NF1: variants seen among roughly 807,000 people sequenced by gnomAD.
NF1 encodes the protein neurofibromin.
NF1 carries 122 observed loss-of-function variants against 325.7 expected under a neutral mutation model. The observed-to-expected ratio is 0.37, with a 90% CI of 0.32 to 0.44. The LOEUF (loss-of-function observed/expected upper bound fraction) is 0.44. Ranked by LOEUF, NF1 falls within the 20% of genes least tolerant of loss-of-function variation. The pLI is 1.00. For missense variants in NF1, 2,140 were observed against 3,415.4 expected (o/e 0.63, Z 9.31); for synonymous variants, 1,091 against 1,186.0 (o/e 0.92, Z 1.65).
At chr17:31,203,346 TTAAG>T (rs1185536941) in intron 11 of NF1, among the ~76,000 whole-genome samples, 1 of 152,230 alleles carries the variant, frequency 6.6e-6, no homozygotes, top group Non-Finnish European at 1.5e-5. Context: ...TTTTTAAACA[TTAAG>T]TATCAGTAAC....
intron 27 of NF1, 24 bp downstream of exon 27, chr17:31,233,237 A>G: frequency 6.3e-7 from 1 of 1,589,930 alleles, no homozygotes; most frequent in Non-Finnish European, 8.6e-7. Context: ...GTAAGCGGGG[A>G]AGAAAAGTGC....
intron 36 of NF1, chr17:31,307,873 G>T (rs1163468139): frequency 7.8e-7 from 1 of 1,287,872 alleles, no homozygotes; most frequent in Non-Finnish European, 1.0e-6. Flanking sequence ...TGCAATAAAG[G>T]TTTTACAAAT....
intron 1 of NF1, among the ~76,000 whole-genome samples, chr17:31,126,543 G>A (rs1914903393): frequency 6.6e-6 from 1 of 151,520 alleles, no homozygotes; most frequent in African/African-American, 2.4e-5. Context: ...CTAGGCTCAA[G>A]CTATCCTCCC....
chr17:31,200,078 A>G (rs1326590580), intron 8 of NF1, among the ~76,000 whole-genome samples: 3 of 151,866 alleles, frequency 2.0e-5, no homozygotes, highest in African/African-American at 7.3e-5. Flanking sequence ...AGAGGTTGCA[A>G]TGAGCCAAGA....
Position 31,129,204 on chromosome 17 carries a change from A to G in NF1, c.61-26779A>G, listed in dbSNP as rs371311242. 9.2e-5 allele frequency among the ~76,000 whole-genome samples: 14 copies of G among 152,294 alleles called. No homozygotes were observed. The East Asian group carries it at 2.5e-3, about 27-fold the overall frequency. On this transcript the variant is annotated intron_variant, in intron 1 of 57. Coordinates refer to ENST00000358273, the MANE Select transcript of NF1 (RefSeq NM_001042492.3). The stretch of plus-strand genomic sequence containing the variant: ...CTCTAGCTAGGTTGGGGAAGTTCTC[A>G]TGAATGATATCCTGAAATATGTTTT...
At chr17:31,300,314 A>T (rs1247442833) in intron 36 of NF1, among the ~76,000 whole-genome samples, 1 of 151,938 alleles carries the variant, frequency 6.6e-6, no homozygotes. Context: ...TTTTCGTTGT[A>T]TCATTAACAT....
chr17:31,243,254 C>T (rs1445520258), intron 29 of NF1, among the ~76,000 whole-genome samples: 1 of 138,214 alleles, frequency 7.2e-6, no homozygotes, highest in Non-Finnish European at 1.5e-5. Context: ...ACAAGCAGCC[C>T]TGTGGACACC....
rs199641099 is a variant in NF1, at chr17:31,356,628, G to A, written c.7738+46G>A. 11,565 of 1,609,164 alleles carry A rather than the reference G, an allele frequency of 7.2e-3. 83 individuals are homozygous for A. Among genetic ancestry groups the A allele is most frequent in the South Asian group, 0.019 (1,743 of 90,674 alleles). On this transcript the variant is annotated intron_variant, in intron 52 of 57. Transcript: ENST00000358273. ...CTAGATCATTGAAAATAAGGTGGGA[G>A]AGTACATGAAAGTCATGTTTATTTT...
intron 35 of NF1, 53 bp from the exon 36 acceptor site, chr17:31,265,176 A>C (rs537011289): frequency 9.1e-6 from 11 of 1,207,270 alleles, no homozygotes; most frequent in East Asian, 2.4e-5. Context: ...ACTTTTTTAC[A>C]TACTCAGTAG....
intron 11 of NF1, among the ~76,000 whole-genome samples, chr17:31,205,020 A>G (rs1003383545): frequency 6.6e-6 from 1 of 152,106 alleles, no homozygotes; most frequent in African/African-American, 2.4e-5. Context: ...TACTGTCCCA[A>G]AAAAGCATTT....
intron 36 of NF1, among the ~76,000 whole-genome samples, chr17:31,315,402 T>C (rs2068994386): frequency 6.6e-6 from 1 of 152,072 alleles, no homozygotes; most frequent in Admixed American, 6.6e-5. Context: ...TAACTAAAAG[T>C]GTAATTGGAT....
At chr17:31,233,261 A>G (rs201880583) in intron 27 of NF1, 48 bp downstream of exon 27, 18 of 1,420,362 alleles carry the variant, frequency 1.3e-5, no homozygotes, top group Non-Finnish European at 1.8e-5. Context: ...GCACATAGCA[A>G]ATCCTTCAGA....
At chr17:31,334,275 C>T (rs1033381727) in intron 39 of NF1, among the ~76,000 whole-genome samples, 4 of 149,330 alleles carry the variant, frequency 2.7e-5, no homozygotes, top group South Asian at 4.2e-4. Context: ...CCAGCCTGGG[C>T]GACAGAGGAG....
chr17:31,212,885 T>C (rs1307109086), intron 12 of NF1, among the ~76,000 whole-genome samples: 2 of 152,206 alleles, frequency 1.3e-5, no homozygotes, highest in Non-Finnish European at 2.9e-5. Context: ...GACATCACGA[T>C]GGCTATGATA....
intron 1 of NF1, among the ~76,000 whole-genome samples, chr17:31,120,733 C>T (rs963094688): frequency 6.6e-6 from 1 of 150,568 alleles, no homozygotes; most frequent in Non-Finnish European, 1.5e-5. Context: ...TATGAGTATA[C>T]CTATGTAACA....
rs786202443 is a variant in NF1, at chr17:31,229,255, G to A, written c.2640G>A (p.Val880=). The change falls in exon 21 of 58, where the codon GTG becomes GTA. Residue 880 remains valine (V), a synonymous_variant. Coordinates refer to ENST00000358273, the MANE Select transcript of NF1 (RefSeq NM_001042492.3). ...AACGTAAGGGTTCTATGATTTCAGT[G>A]ATGTCTTCAGAGGGAAACGCAGATA... is the stretch of plus-strand genomic sequence containing the variant. ...VSERKGSMIS[V]MSSEGNADTP... The A allele has an allele frequency of 1.8e-5, 29 of 1,612,946 alleles. No individual in the cohort carries two copies. Among genetic ancestry groups the A allele is most frequent in the African/African-American group, 2.7e-5 (2 of 74,894 alleles).
intron 48 of NF1, among the ~76,000 whole-genome samples, chr17:31,344,578 G>T (rs1376006246): frequency 1.3e-5 from 2 of 151,980 alleles, no homozygotes; most frequent in Non-Finnish European, 2.9e-5. Flanking sequence ...GTTTTTATGA[G>T]AGAGAGAGAG....
chr17:31,298,065 G>A (rs2068501859), intron 36 of NF1, among the ~76,000 whole-genome samples: 1 of 151,960 alleles, frequency 6.6e-6, no homozygotes, highest in Admixed American at 6.6e-5. Flanking sequence ...GACATTTTTG[G>A]TGCTGTATGA....
At chr17:31,187,699 C>G (rs1042044357) in intron 8 of NF1, among the ~76,000 whole-genome samples, 1 of 152,116 alleles carries the variant, frequency 6.6e-6, no homozygotes, top group African/African-American at 2.4e-5. Context: ...ATTCCCGGGT[C>G]CAGGAATCAC....
Sources: gnomAD v4.1 joint callset for allele counts (sites outside exome capture counted in the v4.1 genomes callset) on GRCh38, gnomAD v4.1.1 for gene constraint, MANE v1.5 for transcripts, NCBI Gene and HGNC (gene_info 2026-07-23, HGNC 2026-07-21) for gene names.